The following ARHGAP24 variants were observed in gnomAD, a reference collection of about 807,000 sequenced individuals.
ARHGAP24 encodes the protein rho GTPase-activating protein 24.
ARHGAP24 carries 50 observed loss-of-function variants against 76.4 expected under a neutral mutation model. That is an observed-to-expected ratio of 0.65 (90% CI 0.52 to 0.83). The LOEUF (loss-of-function observed/expected upper bound fraction) is 0.83. ARHGAP24 is among the 40% of genes least tolerant of loss of function. The pLI is 0.00. For missense variants in ARHGAP24, 930 were observed against 914.2 expected (o/e 1.02, Z -0.22); for synonymous variants, 345 against 323.3 (o/e 1.07, Z -0.72).
chr4:85,930,158 G>A (rs1454619959), intron 4 of ARHGAP24: 15 of 793,974 alleles, frequency 1.9e-5, no homozygotes, highest in Non-Finnish European at 2.1e-5. Flanking sequence ...TTGAGAAAAG[G>A]GGAGACGGAG....
In ARHGAP24 at chr4:85,930,155, A is replaced by T. The variant is rs11947375; in HGVS notation, c.391+6385A>T. 5,069 of 778,918 alleles carry T rather than the reference A, an allele frequency of 6.5e-3. 206 individuals are homozygous for T. The African/African-American group carries it at 0.083, about 13-fold the overall frequency. 48.3% of individuals were successfully genotyped at this position (778,918 alleles called of 1,614,324 possible). A position where few individuals can be genotyped will look rare whatever the true frequency, so the allele number is the denominator to read the frequency against. ...GCTCCCTCCCAGTTCTCATTGAGAA[A>T]AGGGGAGACGGAGCAGGAGGAGGGG... On this transcript the variant is annotated intron_variant, in intron 4 of 9. Coordinates refer to ENST00000395184, the MANE Select transcript of ARHGAP24 (RefSeq NM_001025616.3).
At chr4:85,506,283 C>G (rs1438955723) in intron 1 of ARHGAP24, among the ~76,000 whole-genome samples, 3 of 152,206 alleles carry the variant, frequency 2.0e-5, no homozygotes, top group Admixed American at 2.0e-4. Flanking sequence ...TCAGAACTGT[C>G]AGACAGGGAC....
intron 2 of ARHGAP24, among the ~76,000 whole-genome samples, chr4:85,678,550 TAA>T (rs1231364958): frequency 6.6e-6 from 1 of 152,146 alleles, no homozygotes; most frequent in Non-Finnish European, 1.5e-5. Context: ...AGCCAAATAA[TAA>T]AGTCATTTGG....
chr4:85,949,667 G>C (rs1027346538), intron 5 of ARHGAP24, among the ~76,000 whole-genome samples: 23 of 152,126 alleles, frequency 1.5e-4, no homozygotes, highest in Non-Finnish European at 4.4e-5. Context: ...CCCAGAACTG[G>C]TGCGATGTCA....
In ARHGAP24 at chr4:85,971,712, T is replaced by C. The variant is rs150771598; in HGVS notation, c.600-324T>C. On this transcript the variant is annotated intron_variant, in intron 5 of 9. Coordinates refer to ENST00000395184, the MANE Select transcript of ARHGAP24 (RefSeq NM_001025616.3). ...TTGTGCTATCAAATACTAGATCTTA[T>C]ACATTCTACCTTACTATATTTTGTA... Among the ~76,000 whole-genome samples, 16 of 152,266 alleles carry C rather than the reference T, an allele frequency of 1.1e-4. No individual in the cohort carries two copies. In the East Asian group the frequency reaches 2.5e-3, roughly 24 times the overall value.
intron 3 of ARHGAP24, among the ~76,000 whole-genome samples, chr4:85,878,396 G>A (rs1211683985): frequency 6.6e-6 from 1 of 152,244 alleles, no homozygotes; most frequent in East Asian, 1.9e-4. Context: ...GTTCACATTT[G>A]TGTATACTAT....
intron 2 of ARHGAP24, among the ~76,000 whole-genome samples, chr4:85,584,702 T>C (rs558100957): frequency 6.6e-6 from 1 of 152,140 alleles, no homozygotes; most frequent in African/African-American, 2.4e-5. Context: ...ATAAATATTC[T>C]GTAGATATGG....
chr4:85,962,369 A>G (rs990005004), intron 5 of ARHGAP24, among the ~76,000 whole-genome samples: 15 of 152,188 alleles, frequency 9.9e-5, no homozygotes, highest in Admixed American at 9.8e-4. Flanking sequence ...TAGTGCACCT[A>G]GAGATTGTGC....
intron 3 of ARHGAP24, among the ~76,000 whole-genome samples, chr4:85,875,052 AATATATTTGTTTT>A (rs1336151233): frequency 1.4e-5 from 1 of 71,438 alleles, no homozygotes; most frequent in Non-Finnish European, 2.4e-5. Context: ...ATTTATATAT[AATATATTTGTTTT>A]ATATATTATA....
At chr4:85,568,857 A>C (rs1726956684) in intron 1 of ARHGAP24, among the ~76,000 whole-genome samples, 1 of 152,244 alleles carries the variant, frequency 6.6e-6, no homozygotes, top group Non-Finnish European at 1.5e-5. Context: ...GTGAAGATTA[A>C]GGCAAGGATA....
At chr4:85,824,869 C>G (rs1729639503) in intron 3 of ARHGAP24, among the ~76,000 whole-genome samples, 1 of 152,152 alleles carries the variant, frequency 6.6e-6, no homozygotes, top group African/African-American at 2.4e-5. Context: ...ATGGTTGGAT[C>G]ACCTCAGGTC....
chr4:85,901,393 A>C (rs949891341), intron 3 of ARHGAP24, among the ~76,000 whole-genome samples: 18 of 152,140 alleles, frequency 1.2e-4, no homozygotes, highest in East Asian at 3.9e-4. Context: ...AAACAACAAA[A>C]AAAAAAAACT....
intron 3 of ARHGAP24, among the ~76,000 whole-genome samples, chr4:85,752,895 C>T (rs909339063): frequency 5.9e-5 from 9 of 152,170 alleles, no homozygotes; most frequent in African/African-American, 1.9e-4. Context: ...ACTAGAGATA[C>T]TTACTTCTGA....
At chr4:85,526,224 A>G (rs1402899794) in intron 1 of ARHGAP24, among the ~76,000 whole-genome samples, 2 of 151,932 alleles carry the variant, frequency 1.3e-5, no homozygotes, top group African/African-American at 4.8e-5. Flanking sequence ...AGCCTGGACA[A>G]CGTGGCAAAA....
intron 3 of ARHGAP24, among the ~76,000 whole-genome samples, chr4:85,774,120 TGCTGTCACATG>T (rs1727224582): frequency 6.6e-6 from 1 of 152,152 alleles, no homozygotes; most frequent in African/African-American, 2.4e-5. Flanking sequence ...CTCCCTATCT[TGCTGTCACATG>T]GCCACCTCTC....
At chr4:85,515,419 T>C (rs545242991) in intron 1 of ARHGAP24, among the ~76,000 whole-genome samples, 6 of 150,236 alleles carry the variant, frequency 4.0e-5, no homozygotes, top group African/African-American at 1.5e-4. Context: ...CAAAATAAAC[T>C]ATACCCACTC....
chr4:85,873,302 G>C (rs1405521273), intron 3 of ARHGAP24, among the ~76,000 whole-genome samples: 1 of 152,174 alleles, frequency 6.6e-6, no homozygotes, highest in African/African-American at 2.4e-5. Context: ...GAGAAATAAA[G>C]TACCTGACTC....
chr4:85,642,676 A>G (rs1365176889), intron 2 of ARHGAP24, among the ~76,000 whole-genome samples: 2 of 150,510 alleles, frequency 1.3e-5, no homozygotes, highest in African/African-American at 2.5e-5. Flanking sequence ...TTCTACTGCT[A>G]CCACCCTTGA....
chr4:85,980,715 G>C (rs1042591533), intron 8 of ARHGAP24, among the ~76,000 whole-genome samples: 4 of 152,122 alleles, frequency 2.6e-5, no homozygotes, highest in Admixed American at 2.0e-4. Context: ...TTCCAGCCTA[G>C]AGATTCTCAA....
Sources: gnomAD v4.1 joint callset for allele counts (sites outside exome capture counted in the v4.1 genomes callset) on GRCh38, gnomAD v4.1.1 for gene constraint, MANE v1.5 for transcripts, NCBI Gene and HGNC (gene_info 2026-07-23, HGNC 2026-07-21) for gene names.